Variants in ADAMTSL3 observed in about 807,000 individuals in gnomAD.
ADAMTSL3 encodes ADAMTS like 3, also known as ADAMTS-like protein 3.
ADAMTSL3 carries 128 observed loss-of-function variants against 201.7 expected under a neutral mutation model. The observed-to-expected ratio is 0.63, with a 90% CI of 0.55 to 0.73. The LOEUF is 0.73. Ranked by LOEUF, ADAMTSL3 falls within the 30% of genes least tolerant of loss-of-function variation. ADAMTSL3 has a pLI of 0.00. For missense variants in ADAMTSL3, 1,990 were observed against 2,119.6 expected (o/e 0.94, Z 1.20); for synonymous variants, 738 against 748.4 (o/e 0.99, Z 0.23).
At chr15:83,737,782 T>G (rs915281054) in intron 3 of ADAMTSL3, among the ~76,000 whole-genome samples, 3 of 152,150 alleles carry the variant, frequency 2.0e-5, no homozygotes, top group Non-Finnish European at 4.4e-5. Flanking sequence ...CGATACATCG[T>G]GTTAAAATTT....
At chr15:83,676,657 G>A (rs893128844) in intron 2 of ADAMTSL3, among the ~76,000 whole-genome samples, 19 of 152,160 alleles carry the variant, frequency 1.2e-4, no homozygotes, top group African/African-American at 4.6e-4. Flanking sequence ...CAGCCTGGGC[G>A]ACAGAGTAAC....
At chr15:83,779,653 G>A (rs567361649) in intron 4 of ADAMTSL3, among the ~76,000 whole-genome samples, 15 of 131,352 alleles carry the variant, frequency 1.1e-4, no homozygotes, top group Admixed American at 3.6e-4. Flanking sequence ...AGCCGAGATC[G>A]CAACACTGCA....
chr15:83,888,584 C>A (rs1035915501), intron 10 of ADAMTSL3, among the ~76,000 whole-genome samples: 3 of 152,146 alleles, frequency 2.0e-5, no homozygotes, highest in Non-Finnish European at 4.4e-5. Context: ...AAAATTAGTT[C>A]ATCGGTCTCT....
chr15:83,951,679 G>A (rs1048943652), intron 19 of ADAMTSL3, among the ~76,000 whole-genome samples: 1 of 152,018 alleles, frequency 6.6e-6, no homozygotes, highest in African/African-American at 2.4e-5. Context: ...TTATGGCTTT[G>A]ATCTTGTTAG....
intron 17 of ADAMTSL3, among the ~76,000 whole-genome samples, chr15:83,926,476 A>G (rs2066246917): frequency 1.3e-5 from 2 of 152,234 alleles, no homozygotes; most frequent in African/African-American, 4.8e-5. Context: ...TCAAGTATAA[A>G]TCTTTTAAGA....
At chr15:83,796,757 C>T (rs1004533038) in intron 4 of ADAMTSL3, among the ~76,000 whole-genome samples, 2 of 151,978 alleles carry the variant, frequency 1.3e-5, no homozygotes, top group East Asian at 1.9e-4. Context: ...CAGATATATG[C>T]GTATGTGGAA....
At chr15:83,974,186 G>A (rs1596485001) in intron 20 of ADAMTSL3, among the ~76,000 whole-genome samples, 2 of 152,302 alleles carry the variant, frequency 1.3e-5, no homozygotes, top group South Asian at 4.1e-4. Context: ...AGCTTTCTCA[G>A]TCGCACTTAA....
At chr15:83,665,669 A>G (rs886105332) in intron 2 of ADAMTSL3, among the ~76,000 whole-genome samples, 3 of 152,208 alleles carry the variant, frequency 2.0e-5, no homozygotes, top group African/African-American at 7.2e-5. Context: ...GTTTATTTTT[A>G]CAAAGATGCT....
intron 7 of ADAMTSL3, among the ~76,000 whole-genome samples, chr15:83,853,531 AT>A (rs2064663599): frequency 6.6e-6 from 1 of 152,180 alleles, no homozygotes. Context: ...TAATGACTGA[AT>A]TTTACTAAAT....
rs772812228 is a variant in ADAMTSL3 at position 83,655,724 on chromosome 15, T to G, written c.-33-5T>G. 4 of 1,607,760 alleles carry G rather than the reference T, an allele frequency of 2.5e-6. No individual in the cohort carries two copies. The African/African-American group carries it at 5.3e-5, about 21-fold the overall frequency. ...GTTGGTAATGAACTCTTTCCTCGTT[T>G]GTAGGCTACAACTGAGACCCGGAGG... On this transcript the variant is annotated splice_polypyrimidine_tract_variant and splice_region_variant and intron_variant, in intron 1 of 29. Coordinates refer to ENST00000286744, the MANE Select transcript of ADAMTSL3 (RefSeq NM_207517.3).
At chr15:83,694,351 G>A (rs1041066392) in intron 2 of ADAMTSL3, 1 of 152,208 alleles carries the variant, frequency 6.6e-6, no homozygotes, top group Non-Finnish European at 1.5e-5. Context: ...ACCAGGAGGA[G>A]GGGGAGGCTG....
intron 23 of ADAMTSL3, among the ~76,000 whole-genome samples, chr15:84,008,831 T>G (rs2067948546): frequency 6.6e-6 from 1 of 152,190 alleles, no homozygotes; most frequent in African/African-American, 2.4e-5. Flanking sequence ...CCAAACTTAC[T>G]TCTCTCATAG....
At chr15:83,695,234 G>GGTATATGTGTGTGTA in intron 2 of ADAMTSL3, among the ~76,000 whole-genome samples, 1 of 656 alleles carries the variant, frequency 1.5e-3, no homozygotes, top group African/African-American at 5.3e-3. Flanking sequence ...TGTAATGTGT[G>GGTATATGTGTGTGTA]TGTGTGTGTG....
chr15:83,692,490 C>G (rs1567075985), intron 2 of ADAMTSL3, among the ~76,000 whole-genome samples: 1 of 151,764 alleles, frequency 6.6e-6, no homozygotes, highest in African/African-American at 2.4e-5. Flanking sequence ...TCGAGACCAT[C>G]CTGGCTAACA....
intron 3 of ADAMTSL3, among the ~76,000 whole-genome samples, chr15:83,714,846 C>T (rs1376777478): frequency 0.018 from 1,347 of 74,668 alleles, 49 homozygotes; most frequent in Non-Finnish European, 0.025. Context: ...TTCTTTCTCT[C>T]TCTTTCCCTC....
intron 7 of ADAMTSL3, among the ~76,000 whole-genome samples, chr15:83,846,470 C>T (rs2064500357): frequency 6.6e-6 from 1 of 152,154 alleles, no homozygotes. Flanking sequence ...TGCACCGAGG[C>T]TTAGAGTGGT....
intron 8 of ADAMTSL3, among the ~76,000 whole-genome samples, chr15:83,869,543 G>A (rs1360002450): frequency 1.3e-5 from 2 of 152,168 alleles, no homozygotes; most frequent in East Asian, 3.9e-4. Context: ...AATCAGGGAT[G>A]TCTCCTAAGG....
At chr15:83,671,032 G>T (rs1206856196) in intron 2 of ADAMTSL3, among the ~76,000 whole-genome samples, 1 of 151,094 alleles carries the variant, frequency 6.6e-6, no homozygotes, top group African/African-American at 2.4e-5. Flanking sequence ...ACTGTACTTG[G>T]CCATGATATA....
chr15:83,920,029 A>G (rs567535480), intron 16 of ADAMTSL3, among the ~76,000 whole-genome samples: 5 of 152,342 alleles, frequency 3.3e-5, no homozygotes, highest in African/African-American at 1.2e-4. Flanking sequence ...TAATTTTATT[A>G]TATACTGCTG....
Sources: allele counts gnomAD v4.1 joint callset (sites outside exome capture counted in the v4.1 genomes callset), GRCh38; gene constraint gnomAD v4.1.1; transcripts MANE v1.5; gene names NCBI Gene and HGNC (gene_info 2026-07-23, HGNC 2026-07-21).